Variants in SYNPO2 observed in about 807,000 individuals in gnomAD.
The protein encoded by SYNPO2 is synaptopodin-2.
A neutral mutation model predicts 85.0 loss-of-function variants in SYNPO2; 56 were observed. That is an observed-to-expected ratio of 0.66 (90% CI 0.53 to 0.82). The LOEUF is 0.82. Ranked by LOEUF, SYNPO2 falls within the 40% of genes least tolerant of loss-of-function variation. The pLI is 0.00. For missense variants in SYNPO2, 1,575 were observed against 1,534.2 expected, an observed-to-expected ratio of 1.03 and a Z score of -0.44; for synonymous variants, 602 against 591.1, an observed-to-expected ratio of 1.02 and a Z score of -0.27.
intron 1 of SYNPO2, among the ~76,000 whole-genome samples, chr4:118,924,912 A>ATAC (rs1284497469): frequency 6.6e-6 from 1 of 152,188 alleles, no homozygotes; most frequent in East Asian, 1.9e-4. Context: ...AATAGCTAAC[A>ATAC]TACTACTGGT....
In SYNPO2 at chr4:119,030,145, C is replaced by T. The variant is rs751055742; in HGVS notation, c.1370C>T (p.Thr457Ile). 93 of 1,613,970 alleles carry T rather than the reference C, an allele frequency of 5.8e-5. 1 individual carries two copies. The Admixed American group carries it at 1.5e-3, about 27-fold the overall frequency. ...EELLSDVDDN[T>I]QVVNFDWDSG... ...TTATTGTCTGACGTTGACGACAACA[C>T]ACAAGTTGTGAACTTTGACTGGGAT... Residue 457 changes from threonine to isoleucine, a missense_variant, in exon 4 of 5, where the codon ACA becomes ATA. Physicochemically the swap from Thr to Ile is moderately conservative, Grantham distance 89. Coordinates refer to ENST00000307142, the MANE Select transcript of SYNPO2 (RefSeq NM_133477.3).
chr4:118,950,372 A>T (rs572556544), intron 1 of SYNPO2, among the ~76,000 whole-genome samples: 16 of 152,226 alleles, frequency 1.1e-4, no homozygotes, highest in Non-Finnish European at 2.2e-4. Context: ...GTAGGGCCAC[A>T]CAGGACAGCC....
At chr4:118,987,095 A>G (rs566907717) in intron 1 of SYNPO2, among the ~76,000 whole-genome samples, 1 of 152,310 alleles carries the variant, frequency 6.6e-6, no homozygotes, top group Non-Finnish European at 1.5e-5. Flanking sequence ...AATAAATAAA[A>G]CCTCTAATGA....
chr4:119,036,182 T>C, intron 4 of SYNPO2: 2 of 985,450 alleles, frequency 2.0e-6, no homozygotes, highest in Non-Finnish European at 2.4e-6. Context: ...GAAGTCATGG[T>C]CATCAAAAAG....
rs963373289 is a variant in SYNPO2 at position 119,028,309 on chromosome 4, C to T, written c.1069+871C>T. Reference sequence around the variant, plus strand: ...AAGGCACTTGACTGTATATATGATACACAATGGCAATGAATTCGGTTATTC... The same window carrying T: ...AAGGCACTTGACTGTATATATGATATACAATGGCAATGAATTCGGTTATTC... On this transcript the variant is annotated intron_variant, in intron 3 of 4. Transcript: ENST00000307142. 4.7e-5 allele frequency among the ~76,000 whole-genome samples: 7 copies of T among 149,352 alleles called. No homozygotes were observed. In the Admixed American group the frequency reaches 4.7e-4, roughly 10 times the overall value.
rs544438090 is a variant in SYNPO2, at chr4:118,958,035, C to T, written c.106-65395C>T. On this transcript the variant is annotated intron_variant, in intron 1 of 4. Transcript: ENST00000307142. ...ATTCTCTAGACACATAAAAGAGCTG[C>T]TTGTTGAACTTTTGACTTTTGGCAA... Among the ~76,000 whole-genome samples, 16 of 152,294 alleles carry T rather than the reference C, an allele frequency of 1.1e-4. 1 individual carries two copies. In the South Asian group the frequency reaches 2.5e-3, roughly 24 times the overall value.
chr4:119,047,444 T>C (rs1738906145), intron 4 of SYNPO2, among the ~76,000 whole-genome samples: 1 of 152,236 alleles, frequency 6.6e-6, no homozygotes, highest in Non-Finnish European at 1.5e-5. Flanking sequence ...TGTGCCCTTC[T>C]TGGCAGACAG....
At chr4:118,976,135 G>A (rs184627507) in intron 1 of SYNPO2, among the ~76,000 whole-genome samples, 1 of 152,252 alleles carries the variant, frequency 6.6e-6, no homozygotes. Context: ...GCGGACTCTC[G>A]CGGTGAGTGT....
chr4:118,921,790 C>A (rs1465106746), intron 1 of SYNPO2, among the ~76,000 whole-genome samples: 1 of 151,730 alleles, frequency 6.6e-6, no homozygotes, highest in Non-Finnish European at 1.5e-5. Flanking sequence ...CACACACACA[C>A]ACACACACAC....
chr4:118,871,504 T>C (rs1731798684), intron 1 of SYNPO2, among the ~76,000 whole-genome samples: 1 of 152,152 alleles, frequency 6.6e-6, no homozygotes, highest in South Asian at 2.1e-4. Flanking sequence ...GTAGGAGATT[T>C]GGACCTTGTC....
chr4:119,014,583 A>G (rs1737455979), intron 1 of SYNPO2, among the ~76,000 whole-genome samples: 1 of 152,156 alleles, frequency 6.6e-6, no homozygotes, highest in Non-Finnish European at 1.5e-5. Flanking sequence ...CTTATTTTTG[A>G]TATCTAACAT....
At chr4:118,978,710 T>C (rs1183023140) in intron 1 of SYNPO2, among the ~76,000 whole-genome samples, 1 of 152,166 alleles carries the variant, frequency 6.6e-6, no homozygotes, top group African/African-American at 2.4e-5. Context: ...ATGTTATTTA[T>C]TTTGAGAAAT....
At chr4:118,918,019 T>C (rs1414049347) in intron 1 of SYNPO2, among the ~76,000 whole-genome samples, 5 of 152,130 alleles carry the variant, frequency 3.3e-5, no homozygotes, top group Admixed American at 6.6e-5. Context: ...TCCCATCAAA[T>C]TGTTGAGTTA....
At chr4:118,980,118 T>C (rs1403624242) in intron 1 of SYNPO2, among the ~76,000 whole-genome samples, 3 of 152,030 alleles carry the variant, frequency 2.0e-5, no homozygotes. Flanking sequence ...ATAAATCATA[T>C]TAGTTTAATG....
rs1466275248 is a variant in SYNPO2, at chr4:119,058,224, A to T, written c.*290A>T. On this transcript the variant is annotated 3_prime_UTR_variant, in exon 5 of 5. Coordinates refer to ENST00000307142, the MANE Select transcript of SYNPO2 (RefSeq NM_133477.3). ...CATTGATGTGCTGGCATTTATATGT[A>T]ATTCATAATTTTGATTCCATTAATA... The T allele has an allele frequency of 4.8e-6, 1 of 209,294 alleles. No individual in the cohort carries two copies. Among genetic ancestry groups the T allele is most frequent in the African/African-American group, 2.3e-5 (1 of 43,444 alleles). The allele number at this position is 209,294 out of a possible 1,614,324, so 13.0% of individuals were successfully genotyped here.
intron 1 of SYNPO2, among the ~76,000 whole-genome samples, chr4:118,998,863 TCC>T (rs2149172050): frequency 6.7e-6 from 1 of 150,206 alleles, no homozygotes. Context: ...ACTCCCTCCC[TCC>T]CTCTCTCTCT....
chr4:119,054,020 T>A (rs1171219021), intron 4 of SYNPO2, among the ~76,000 whole-genome samples: 3 of 152,196 alleles, frequency 2.0e-5, no homozygotes, highest in Non-Finnish European at 4.4e-5. Context: ...GTGCTACATC[T>A]AATTGATGCA....
chr4:119,050,332 C>CA (rs796535345), intron 4 of SYNPO2, among the ~76,000 whole-genome samples: 2,389 of 134,272 alleles, frequency 0.018, 53 homozygotes, highest in African/African-American at 0.056. Flanking sequence ...GATTCTGTCT[C>CA]AAAAAAAAAA....
intron 4 of SYNPO2, among the ~76,000 whole-genome samples, chr4:119,048,888 C>T (rs1316544401): frequency 6.6e-6 from 1 of 152,024 alleles, no homozygotes; most frequent in Non-Finnish European, 1.5e-5. Flanking sequence ...AAATGAAAAG[C>T]CATGGGAAGT....
Sources: gnomAD v4.1 joint callset for allele counts (sites outside exome capture counted in the v4.1 genomes callset) on GRCh38, gnomAD v4.1.1 for gene constraint, MANE v1.5 for transcripts, NCBI Gene and HGNC (gene_info 2026-07-23, HGNC 2026-07-21) for gene names.